The following CD44 variants were observed in gnomAD, a reference collection of about 807,000 sequenced individuals.
The protein encoded by CD44 is CD44 molecule (IN blood group).
A neutral mutation model predicts 88.8 loss-of-function variants in CD44; 49 were observed. That is an observed-to-expected ratio of 0.55 (90% CI 0.44 to 0.70). The LOEUF is 0.70. Among genes scored for constraint, CD44 ranks in the 30% least tolerant of loss-of-function variants. CD44 has a pLI of 0.00. For synonymous variants in CD44, 325 were observed against 312.3 expected, an observed-to-expected ratio of 1.04 and a Z score of -0.43; for missense variants, 883 against 913.8, an observed-to-expected ratio of 0.97 and a Z score of 0.43.
At chr11:35,157,361 A>ATCTC (rs1288723618) in intron 1 of CD44, among the ~76,000 whole-genome samples, 6 of 150,224 alleles carry the variant, frequency 4.0e-5, no homozygotes, top group Non-Finnish European at 7.4e-5. Context: ...CTATCTATCT[A>ATCTC]TCTATCATCT....
chr11:35,200,961 C>T (rs1947257007), intron 7 of CD44, 121 bp from the exon 8 acceptor site: 1 of 742,894 alleles, frequency 1.3e-6, no homozygotes, highest in Non-Finnish European at 2.4e-6. Context: ...ATGCAGCCAT[C>T]TATACAACCT....
At chr11:35,216,985 C>T (rs564827900) in intron 15 of CD44, among the ~76,000 whole-genome samples, 13 of 152,340 alleles carry the variant, frequency 8.5e-5, no homozygotes, top group Non-Finnish European at 1.8e-4. Context: ...GTGCATATGT[C>T]TCAGATTACA....
chr11:35,191,860 C>T (rs1052775952), intron 5 of CD44, among the ~76,000 whole-genome samples: 4 of 152,188 alleles, frequency 2.6e-5, no homozygotes, highest in Non-Finnish European at 2.9e-5. Flanking sequence ...GAACCTACTA[C>T]GTACCAGGCC....
At chr11:35,209,906 A>G (rs1044145863) in intron 12 of CD44, 59 bp from the exon 13 acceptor site, 2 of 1,132,212 alleles carry the variant, frequency 1.8e-6, no homozygotes, top group Non-Finnish European at 2.5e-6. Flanking sequence ...TTGCTAGCAG[A>G]TAACAGGATT....
intron 13 of CD44, chr11:35,210,588 G>A (rs1478326578): frequency 6.6e-6 from 1 of 152,278 alleles, no homozygotes; most frequent in African/African-American, 2.4e-5. Context: ...GAGTTTCTTA[G>A]TCTTGATTTC....
intron 15 of CD44, among the ~76,000 whole-genome samples, chr11:35,217,560 T>C (rs1461345223): frequency 5.3e-5 from 8 of 152,218 alleles, no homozygotes; most frequent in African/African-American, 1.9e-4. Flanking sequence ...CAACATAGGA[T>C]AGGGGATGTT....
rs1426950815 is a variant in CD44 at position 35,144,264 on chromosome 11, T to C, written c.67+4894T>C. Among the ~76,000 whole-genome samples the C allele has an allele frequency of 1.3e-5, 2 of 152,162 alleles. 1 individual carries two copies. The highest frequency in any genetic ancestry group is 1.3e-4 in the Admixed American group (2 of 15,280). On this transcript the variant is annotated intron_variant, in intron 1 of 17. Transcript: ENST00000428726. ...AATTGTGCTTCCCCGGCACCTTCGC[T>C]TTAGGTCACTCCACCGAAGAGCCTG...
Position 35,222,259 on chromosome 11 carries a change from G to A in CD44, c.2024+527G>A, listed in dbSNP as rs754687945. 1.6e-5 allele frequency: 7 copies of A among 446,384 alleles called. No individual in the cohort carries two copies. In the Admixed American group the frequency reaches 2.0e-4, roughly 13 times the overall value. 27.7% of individuals were successfully genotyped at this position (446,384 alleles called of 1,614,324 possible). On this transcript the variant is annotated intron_variant, in intron 17 of 17. Coordinates refer to ENST00000428726, the MANE Select transcript of CD44 (RefSeq NM_000610.4). ...AGGGAACCTTTAAGAACTTTTACCA[G>A]AAGGAAGTATTGGCCTTGTGCTTTT... is the stretch of plus-strand genomic sequence containing the variant.
Position 35,201,805 on chromosome 11 carries a change from C to A in CD44, c.1153+18C>A. 2 of 1,612,582 alleles carry A rather than the reference C, an allele frequency of 1.2e-6. No homozygotes were observed. Among genetic ancestry groups the A allele is most frequent in the South Asian group, 2.2e-5 (2 of 90,906 alleles). On this transcript the variant is annotated intron_variant, in intron 9 of 17. Coordinates refer to ENST00000428726, the MANE Select transcript of CD44 (RefSeq NM_000610.4). The stretch of plus-strand genomic sequence containing the variant: ...AAGCACAAGTAAGCAAGATGGCGGT[C>A]GGCAGTTCTGGGTTAGATGAATTAG...
intron 1 of CD44, among the ~76,000 whole-genome samples, chr11:35,151,499 G>C (rs536470841): frequency 3.3e-5 from 5 of 152,320 alleles, no homozygotes; most frequent in African/African-American, 9.6e-5. Flanking sequence ...ATAGCAAATA[G>C]ATTTTAGCTC....
rs1950083883 is a variant in CD44, at chr11:35,232,011, T to C, written c.*2678T>C. ...TCCAAAAGTTTTATATTGAGATTCA[T>C]AACAACACCAAGAATTGATTTTGTA... On this transcript the variant is annotated 3_prime_UTR_variant, in exon 18 of 18. Coordinates refer to ENST00000428726, the MANE Select transcript of CD44 (RefSeq NM_000610.4). 6.6e-6 allele frequency: 1 copy of C among 152,214 alleles called. No homozygotes were observed. The highest frequency in any genetic ancestry group is 1.5e-5 in the Non-Finnish European group (1 of 68,030). 9.4% of individuals were successfully genotyped at this position (152,214 alleles called of 1,614,324 possible). A position where few individuals can be genotyped will look rare whatever the true frequency, so the allele number is the denominator to read the frequency against.
chr11:35,145,324 T>C (rs562434699), intron 1 of CD44, among the ~76,000 whole-genome samples: 77 of 152,340 alleles, frequency 5.1e-4, no homozygotes, highest in African/African-American at 1.8e-3. Flanking sequence ...TCTATATATA[T>C]GGAAGCATGC....
chr11:35,157,946 G>A (rs927966586), intron 1 of CD44, among the ~76,000 whole-genome samples: 1 of 152,116 alleles, frequency 6.6e-6, no homozygotes, highest in South Asian at 2.1e-4. Flanking sequence ...CAGCTCTCTC[G>A]CCTCTGAAAC....
intron 1 of CD44, among the ~76,000 whole-genome samples, chr11:35,148,987 T>C (rs1382382558): frequency 1.3e-5 from 2 of 152,248 alleles, no homozygotes; most frequent in East Asian, 1.9e-4. Flanking sequence ...CTCTCTTCAG[T>C]CTAAAGAGAT....
At chr11:35,147,100 T>A (rs1303802640) in intron 1 of CD44, among the ~76,000 whole-genome samples, 1 of 152,186 alleles carries the variant, frequency 6.6e-6, no homozygotes, top group African/African-American at 2.4e-5. Context: ...TGAATTGAGT[T>A]GTTTGTTCAT....
At chr11:35,223,700 G>T (rs1014997681) in intron 17 of CD44, among the ~76,000 whole-genome samples, 1 of 152,174 alleles carries the variant, frequency 6.6e-6, no homozygotes, top group Non-Finnish European at 1.5e-5. Flanking sequence ...GTCCTGATTT[G>T]ATAATTGAAA....
At position 35,198,967 on chromosome 11, in the gene CD44, CAA is replaced by C. The variant is rs11340143; in HGVS notation, c.922+737_922+738del. 5.8e-3 allele frequency among the ~76,000 whole-genome samples: 745 copies of C among 127,986 alleles called. 9 individuals are homozygous for C. Among genetic ancestry groups the C allele is most frequent in the African/African-American group, 0.02 (660 of 32,540 alleles). 84.0% of individuals were successfully genotyped at this position (127,986 alleles called of 152,430 possible). A position where few individuals can be genotyped will look rare whatever the true frequency, so the allele number is the denominator to read the frequency against. On this transcript the variant is annotated intron_variant, in intron 7 of 17. Transcript: ENST00000428726. ...TGGGTGACAGAGCCAGACTCCATCT[CAA>C]AAAAAAAAAAAAAAAGTTGTGGAAG... is the stretch of plus-strand genomic sequence containing the variant.
chr11:35,214,138 T>C (rs543306091), intron 14 of CD44: 75 of 152,332 alleles, frequency 4.9e-4, no homozygotes, highest in African/African-American at 1.7e-3. Flanking sequence ...TTTCTGGTGA[T>C]AGATGTTTGA....
chr11:35,230,703 C>G lies in CD44; in HGVS notation c.*1370C>G, dbSNP rs1268003952. The G allele has an allele frequency of 6.6e-6, 1 of 152,162 alleles. No individual in the cohort carries two copies. The highest frequency in any genetic ancestry group is 1.5e-5 in the Non-Finnish European group (1 of 68,042). 9.4% of individuals were successfully genotyped at this position (152,162 alleles called of 1,614,324 possible). A position where few individuals can be genotyped will look rare whatever the true frequency, so the allele number is the denominator to read the frequency against. On this transcript the variant is annotated 3_prime_UTR_variant, in exon 18 of 18. Coordinates refer to ENST00000428726, the MANE Select transcript of CD44 (RefSeq NM_000610.4). Reference sequence around the variant, plus strand: ...TTATGACCAAACAAGAGAGTACTGGCTTTATCCTCTAACCTCATATTTTCT... The same window carrying G: ...TTATGACCAAACAAGAGAGTACTGGGTTTATCCTCTAACCTCATATTTTCT...
Sources: gnomAD v4.1 joint callset for allele counts (sites outside exome capture counted in the v4.1 genomes callset) on GRCh38, gnomAD v4.1.1 for gene constraint, MANE v1.5 for transcripts, NCBI Gene and HGNC (gene_info 2026-07-23, HGNC 2026-07-21) for gene names.